Variants in TAFA2 observed in about 807,000 individuals in gnomAD.
TAFA2 encodes TAFA chemokine like family member 2.
Under a neutral mutation model 18.8 loss-of-function variants are expected in TAFA2, and 7 were observed. That is an observed-to-expected ratio of 0.37 (90% confidence interval 0.21 to 0.70). The LOEUF (loss-of-function observed/expected upper bound fraction) is 0.70. TAFA2 is among the 30% of genes least tolerant of loss of function. The probability of loss-of-function intolerance (pLI) is 0.53; values close to 1 mark genes in which losing one functional copy is unlikely to be tolerated. For synonymous variants in TAFA2, 60 were observed against 54.2 expected, an observed-to-expected ratio of 1.11 and a Z score of -0.47; for missense variants, 122 against 158.1, an observed-to-expected ratio of 0.77 and a Z score of 1.23.
chr12:61,887,066 T>C (rs1339164027), intron 1 of TAFA2, among the ~76,000 whole-genome samples: 2 of 152,222 alleles, frequency 1.3e-5, no homozygotes, highest in Admixed American at 6.5e-5. Context: ...TCATAATAAA[T>C]GCTCAACTAA....
At chr12:61,796,457 C>G (rs1197232367) in intron 2 of TAFA2, among the ~76,000 whole-genome samples, 7 of 151,960 alleles carry the variant, frequency 4.6e-5, no homozygotes, top group African/African-American at 7.2e-5. Context: ...GCATGAAATT[C>G]TTTTAAAAAA....
intron 1 of TAFA2, among the ~76,000 whole-genome samples, chr12:62,187,934 A>G (rs1373131464): frequency 1.3e-5 from 2 of 152,210 alleles, no homozygotes; most frequent in South Asian, 2.1e-4. Context: ...AGTTCAAAAT[A>G]AAGTTAACCA....
In TAFA2 at chr12:61,710,078, C is replaced by A. The variant is rs1479801938; in HGVS notation, c.*328G>T. 3.2e-6 allele frequency: 1 copy of A among 311,350 alleles called. No individual in the cohort carries two copies. Among genetic ancestry groups the A allele is most frequent in the African/African-American group, 2.2e-5 (1 of 45,990 alleles). The allele number at this position is 311,350 out of a possible 1,614,324, so 19.3% of individuals were successfully genotyped here. ...ACAAGAAAAGTAGTCACATCTGGAG[C>A]CAATAACTCAAAAGGTGACTGTCTC... On this transcript the variant is annotated 3_prime_UTR_variant, in exon 5 of 5. Transcript: ENST00000416284.
intron 1 of TAFA2, among the ~76,000 whole-genome samples, chr12:62,105,218 A>C (rs956126196): frequency 2.6e-5 from 4 of 152,228 alleles, no homozygotes; most frequent in Admixed American, 1.3e-4. Flanking sequence ...AAAAACAAAA[A>C]GAACAAAATG....
chr12:61,953,588 CA>C (rs33912504), intron 1 of TAFA2, among the ~76,000 whole-genome samples: 72,698 of 151,956 alleles, frequency 0.48, 18,076 homozygotes, highest in African/African-American at 0.54. Flanking sequence ...TTAACCTATA[CA>C]AAAAAAAAAT....
intron 4 of TAFA2, among the ~76,000 whole-genome samples, chr12:61,721,208 TGTGA>T (rs1181139141): frequency 1.2e-4 from 19 of 152,292 alleles, no homozygotes; most frequent in African/African-American, 4.1e-4. Flanking sequence ...AAGCATTTCT[TGTGA>T]GTATTTGGGG....
At chr12:61,850,691 T>C (rs1250420346) in intron 2 of TAFA2, among the ~76,000 whole-genome samples, 1 of 152,046 alleles carries the variant, frequency 6.6e-6, no homozygotes, top group East Asian at 1.9e-4. Context: ...TTGAATCATC[T>C]AGTATAAACA....
chr12:62,101,553 CA>C (rs1169452874), intron 1 of TAFA2, among the ~76,000 whole-genome samples: 38 of 152,148 alleles, frequency 2.5e-4, no homozygotes, highest in African/African-American at 8.4e-4. Context: ...AAGCAGGTTC[CA>C]AGGCAGCTCT....
intron 2 of TAFA2, among the ~76,000 whole-genome samples, chr12:61,785,518 T>C (rs183689054): frequency 5.3e-5 from 8 of 151,598 alleles, no homozygotes; most frequent in Admixed American, 4.0e-4. Flanking sequence ...AGTTTTTCCA[T>C]GGAAGCAATG....
chr12:61,945,880 C>A (rs1160677663), intron 1 of TAFA2, among the ~76,000 whole-genome samples: 4 of 149,730 alleles, frequency 2.7e-5, no homozygotes, highest in Admixed American at 2.0e-4. Flanking sequence ...GGCCATACTG[C>A]CCAAGGTAAT....
intron 1 of TAFA2, among the ~76,000 whole-genome samples, chr12:62,097,164 G>C (rs1023326031): frequency 1.3e-5 from 2 of 152,088 alleles, no homozygotes. Context: ...AAAAAGACAT[G>C]ATCTCTAATT....
At chr12:61,732,048 A>C (rs1870474870) in intron 4 of TAFA2, among the ~76,000 whole-genome samples, 1 of 152,140 alleles carries the variant, frequency 6.6e-6, no homozygotes, top group Non-Finnish European at 1.5e-5. Flanking sequence ...TGCCAAGAGA[A>C]GAATTAAGTC....
chr12:61,759,853 G>T (rs935744343), intron 2 of TAFA2, among the ~76,000 whole-genome samples: 2 of 151,910 alleles, frequency 1.3e-5, no homozygotes, highest in Non-Finnish European at 2.9e-5. Context: ...AATGACATTG[G>T]GTAAGTTTGG....
chr12:61,808,579 G>A (rs1319762087), intron 2 of TAFA2, among the ~76,000 whole-genome samples: 1 of 151,384 alleles, frequency 6.6e-6, no homozygotes, highest in Non-Finnish European at 1.5e-5. Context: ...GAGGAAAATG[G>A]AGGTAGAAAT....
intron 2 of TAFA2, among the ~76,000 whole-genome samples, chr12:61,841,419 T>G (rs561673073): frequency 3.3e-5 from 5 of 152,224 alleles, no homozygotes; most frequent in African/African-American, 1.2e-4. Context: ...CTTTCTCTAT[T>G]GTGTGTTCTT....
intron 1 of TAFA2, among the ~76,000 whole-genome samples, chr12:61,922,367 G>A (rs1168082397): frequency 1.3e-5 from 2 of 152,148 alleles, no homozygotes; most frequent in Non-Finnish European, 2.9e-5. Flanking sequence ...CAACACAGAA[G>A]GTGGGTGATT....
chr12:62,213,633 C>T (rs2062722643), intron 1 of TAFA2, among the ~76,000 whole-genome samples: 2 of 96,152 alleles, frequency 2.1e-5, no homozygotes, highest in Non-Finnish European at 4.2e-5. Flanking sequence ...CAGACTGAGA[C>T]TCTGTCTCAA....
rs561538380 is a variant in TAFA2, at chr12:61,921,456, C to G, written c.-1-54030G>C. Among the ~76,000 whole-genome samples the G allele has an allele frequency of 3.3e-5, 5 of 152,186 alleles. No individual in the cohort carries two copies. The East Asian group carries it at 9.6e-4, about 29-fold the overall frequency. On this transcript the variant is annotated intron_variant, in intron 1 of 4. Transcript: ENST00000416284. ...GGACCTTAAAATTTTGGCGTTTGTG[C>G]AATGGAAGAATAGAATTGCCCCTGT...
intron 1 of TAFA2, among the ~76,000 whole-genome samples, chr12:62,182,120 A>T (rs1174547814): frequency 6.6e-6 from 1 of 152,124 alleles, no homozygotes; most frequent in Non-Finnish European, 1.5e-5. Context: ...TGGAGAACTA[A>T]AATTGACTTT....
Sources: allele counts gnomAD v4.1 joint callset (sites outside exome capture counted in the v4.1 genomes callset), GRCh38; gene constraint gnomAD v4.1.1; transcripts MANE v1.5; gene names NCBI Gene and HGNC (gene_info 2026-07-23, HGNC 2026-07-21).